The following KCNMA1 variants were observed in gnomAD, a reference collection of about 807,000 sequenced individuals.
KCNMA1 encodes Calcium-activated potassium channel subunit alpha-1.
KCNMA1 carries 29 observed loss-of-function variants against 140.0 expected under a neutral mutation model. The ratio of observed to expected loss-of-function variants is 0.21; its 90% confidence interval spans 0.15 to 0.28. The LOEUF is 0.28. Ranked by LOEUF, KCNMA1 falls within the 10% of genes least tolerant of loss-of-function variation. The pLI, the probability that KCNMA1 is intolerant of heterozygous loss-of-function variation, is 1.00. For missense variants in KCNMA1, 880 were observed against 1,602.2 expected (o/e 0.55, Z 7.70); for synonymous variants, 612 against 611.9 (o/e 1.00, Z 0.00).
intron 3 of KCNMA1, among the ~76,000 whole-genome samples, chr10:77,222,403 GT>G (rs1198760397): frequency 4.6e-5 from 7 of 152,148 alleles, no homozygotes; most frequent in African/African-American, 1.7e-4. Context: ...CCAACATAAT[GT>G]GATAAGCAAA....
intron 9 of KCNMA1, chr10:77,091,970 C>T (rs1385504709): frequency 6.6e-6 from 1 of 152,148 alleles, no homozygotes; most frequent in Non-Finnish European, 1.5e-5. Flanking sequence ...ATAATATCAC[C>T]ATTATAGACT....
intron 20 of KCNMA1, among the ~76,000 whole-genome samples, chr10:76,967,957 G>A (rs1292551698): frequency 6.6e-6 from 1 of 152,014 alleles, no homozygotes; most frequent in African/African-American, 2.4e-5. Context: ...ACTGACACAG[G>A]CATGCTTTTC....
chr10:77,322,071 G>A (rs2082502458), intron 2 of KCNMA1, among the ~76,000 whole-genome samples: 1 of 152,216 alleles, frequency 6.6e-6, no homozygotes, highest in Non-Finnish European at 1.5e-5. Context: ...TTAAAGAGAT[G>A]ACTCAGGGAT....
intron 1 of KCNMA1, among the ~76,000 whole-genome samples, chr10:77,630,324 T>C (rs2093032852): frequency 6.6e-6 from 1 of 152,044 alleles, no homozygotes; most frequent in South Asian, 2.1e-4. Context: ...CTTCGGGAAG[T>C]CACACCCTTT....
Position 77,589,486 on chromosome 10 carries a change from A to G in KCNMA1, c.378+47779T>C, listed in dbSNP as rs145422349. On this transcript the variant is annotated intron_variant, in intron 1 of 27. Transcript: ENST00000286628. Reference sequence around the variant, plus strand: ...CTCTACCATCAAGTTTTGAATGTCAATTAAGGAATAAAAATTCCTAAATGA... The same window carrying G: ...CTCTACCATCAAGTTTTGAATGTCAGTTAAGGAATAAAAATTCCTAAATGA... Among the ~76,000 whole-genome samples, 361 of 152,274 alleles carry G rather than the reference A, an allele frequency of 2.4e-3. 8 individuals carry two copies. In the South Asian group the frequency reaches 0.025, roughly 10 times the overall value.
chr10:77,167,418 C>T (rs1222836597), intron 5 of KCNMA1, among the ~76,000 whole-genome samples: 1 of 152,150 alleles, frequency 6.6e-6, no homozygotes, highest in Non-Finnish European at 1.5e-5. Context: ...TCCCTGTAAG[C>T]ATTTGTGTTT....
chr10:77,637,092 C>T (rs1461810271), intron 1 of KCNMA1, 173 bp downstream of exon 1: 3 of 1,321,716 alleles, frequency 2.3e-6, no homozygotes, highest in Non-Finnish European at 3.0e-6. Context: ...GCGCGCCGCC[C>T]GCTGCCCCGA....
At chr10:77,262,384 A>AATG (rs1346008730) in intron 2 of KCNMA1, among the ~76,000 whole-genome samples, 16 of 152,324 alleles carry the variant, frequency 1.1e-4, no homozygotes, top group African/African-American at 3.8e-4. Context: ...CAGGAAGTAG[A>AATG]ATGATGGTTC....
At chr10:77,288,594 G>A (rs2071905274) in intron 2 of KCNMA1, among the ~76,000 whole-genome samples, 2 of 152,190 alleles carry the variant, frequency 1.3e-5, no homozygotes, top group Non-Finnish European at 1.5e-5. Flanking sequence ...GGGTAACCAA[G>A]GCTCAGAAAG....
In KCNMA1 at chr10:77,525,296, G is replaced by C. The variant is rs139510968; in HGVS notation, c.378+111969C>G. On this transcript the variant is annotated intron_variant, in intron 1 of 27. Coordinates refer to ENST00000286628, the MANE Select transcript of KCNMA1 (RefSeq NM_001161352.2). ...CAAAATGAGAATTATCTCCAGAAGA[G>C]AAAGCACATCCAGCCTGGAATATGT... 8.5e-5 allele frequency among the ~76,000 whole-genome samples: 13 copies of C among 152,290 alleles called. No homozygotes were observed. In the East Asian group the frequency reaches 1.7e-3, roughly 20 times the overall value.
chr10:77,450,112 G>T (rs187919287), intron 1 of KCNMA1, among the ~76,000 whole-genome samples: 1 of 152,234 alleles, frequency 6.6e-6, no homozygotes, highest in East Asian at 1.9e-4. Flanking sequence ...ACACAGTGCA[G>T]TGGCACGATC....
At chr10:77,348,158 G>A (rs567585569) in intron 2 of KCNMA1, among the ~76,000 whole-genome samples, 13 of 152,236 alleles carry the variant, frequency 8.5e-5, no homozygotes, top group African/African-American at 2.9e-4. Flanking sequence ...GGACATCTAT[G>A]GTCTTTAACT....
chr10:77,291,723 C>T (rs1319533270), intron 2 of KCNMA1, among the ~76,000 whole-genome samples: 1 of 152,212 alleles, frequency 6.6e-6, no homozygotes, highest in Non-Finnish European at 1.5e-5. Flanking sequence ...TGAACTATTT[C>T]CCAGCGTCTG....
chr10:77,289,574 A>G (rs1375790302), intron 2 of KCNMA1, among the ~76,000 whole-genome samples: 1 of 152,246 alleles, frequency 6.6e-6, no homozygotes, highest in Non-Finnish European at 1.5e-5. Context: ...AGTAAATAAC[A>G]AAATGACACA....
rs11001923 is a variant in KCNMA1 at position 76,897,514 on chromosome 10, G to C, written c.3148-5795C>G. On this transcript the variant is annotated intron_variant, in intron 25 of 27. Transcript: ENST00000286628. ...CAAAAATTCTACATATAGTTAAATT[G>C]CCAATAATTTGTGAAGGCAACTGAA... is the stretch of plus-strand genomic sequence containing the variant. Among the ~76,000 whole-genome samples the C allele has an allele frequency of 1.1e-4, 16 of 152,096 alleles. 1 individual carries two copies. In the East Asian group the frequency reaches 3.1e-3, roughly 29 times the overall value.
chr10:77,596,764 T>G (rs2081065022), intron 1 of KCNMA1, among the ~76,000 whole-genome samples: 1 of 152,180 alleles, frequency 6.6e-6, no homozygotes, highest in Non-Finnish European at 1.5e-5. Context: ...GTTTTCATCT[T>G]CTTGGCTATT....
At chr10:77,127,600 T>C (rs752156701) in intron 5 of KCNMA1, among the ~76,000 whole-genome samples, 7 of 151,558 alleles carry the variant, frequency 4.6e-5, no homozygotes, top group Non-Finnish European at 1.0e-4. Flanking sequence ...AAAGAAGGCA[T>C]GAAGGCAAGA....
rs1273640267 is a variant in KCNMA1 at position 77,637,628 on chromosome 10, G to A, written c.15C>T (p.Gly5=). 5.9e-6 allele frequency: 9 copies of A among 1,520,768 alleles called. No homozygotes were observed. Among genetic ancestry groups the A allele is most frequent in the East Asian group, 2.5e-5 (1 of 40,350 alleles). The allele number at this position is 1,520,768 out of a possible 1,614,324, so 94.2% of individuals were successfully genotyped here. Residue 5 remains glycine, a synonymous_variant, in exon 1 of 28, where the codon GGC becomes GGT. Transcript: ENST00000286628. The stretch of plus-strand genomic sequence containing the variant: ...CGCCGCTGCTGCCGCCGCCGCCGCC[G>A]CCACCATTTGCCATAGCTAGCAACG... MANG[G]GGGGGSSGGG... is the part of the protein sequence containing the mutation.
chr10:76,987,221 A>G (rs538636213), intron 19 of KCNMA1, among the ~76,000 whole-genome samples: 1 of 152,334 alleles, frequency 6.6e-6, no homozygotes, highest in Admixed American at 6.5e-5. Flanking sequence ...TGTGTGCAAT[A>G]TGCTAAGAAT....
Sources: allele counts gnomAD v4.1 joint callset (sites outside exome capture counted in the v4.1 genomes callset), GRCh38; gene constraint gnomAD v4.1.1; transcripts MANE v1.5; gene names NCBI Gene and HGNC (gene_info 2026-07-23, HGNC 2026-07-21).